Variants in TSPAN9 observed in about 807,000 individuals in gnomAD.
The protein encoded by TSPAN9 is tetraspanin-9.
In TSPAN9, 16 loss-of-function variants were observed where a neutral mutation model predicts 31.0. The ratio of observed to expected loss-of-function variants is 0.52; its 90% CI spans 0.35 to 0.78. TSPAN9 has a LOEUF of 0.78. TSPAN9 is among the 30% of genes least tolerant of loss of function. TSPAN9 has a pLI of 0.01. For synonymous variants in TSPAN9, 145 were observed against 121.6 expected (o/e 1.19, Z -1.27); for missense variants, 272 against 312.5 (o/e 0.87, Z 0.98).
At position 3,170,829 on chromosome 12, in the gene TSPAN9, G is replaced by GC. The variant is rs1293706726; in HGVS notation, c.-17-30347dup. ...CCACCATCACCTCGTTTTCTGCCGG[G>GC]CAGGGACTCCTGGGTTGGCGCTCTC... On this transcript the variant is annotated intron_variant, in intron 2 of 8. Coordinates refer to ENST00000011898, the MANE Select transcript of TSPAN9 (RefSeq NM_006675.5). The surrounding 1 kb of genome is among the most constrained non-coding windows in gnomAD (Gnocchi z 4.4). Among the ~76,000 whole-genome samples, 3 of 152,164 alleles carry GC rather than the reference G, an allele frequency of 2.0e-5. No individual in the cohort carries two copies. Among genetic ancestry groups the GC allele is most frequent in the Non-Finnish European group, 4.4e-5 (3 of 68,028 alleles).
intron 2 of TSPAN9, among the ~76,000 whole-genome samples, chr12:3,089,516 C>T (rs112743849): frequency 0.11 from 17,346 of 151,526 alleles, 3,127 homozygotes; most frequent in African/African-American, 0.39. Context: ...AGGGTGGTCT[C>T]GATCTCCTGA....
In TSPAN9 at chr12:3,279,079, A is replaced by C. The variant is rs765901688; in HGVS notation, c.330+13A>C. The C allele has an allele frequency of 1.2e-6, 2 of 1,612,644 alleles. No homozygotes were observed. The highest frequency in any genetic ancestry group is 3.3e-5 in the Admixed American group (2 of 60,020). On this transcript the variant is annotated intron_variant, in intron 5 of 8. Transcript: ENST00000011898. The stretch of plus-strand genomic sequence containing the variant: ...CTACATGGACAAGGTAAGCCTTACC[A>C]GATGGGAGGGGGCATATGGAATGTC...
intron 3 of TSPAN9, among the ~76,000 whole-genome samples, chr12:3,217,577 A>T (rs1469518695): frequency 6.6e-6 from 1 of 152,182 alleles, no homozygotes; most frequent in African/African-American, 2.4e-5. Context: ...GAGTCACCCC[A>T]GACCATATTA....
chr12:3,132,817 G>A (rs768523256), intron 2 of TSPAN9, among the ~76,000 whole-genome samples: 1 of 152,034 alleles, frequency 6.6e-6, no homozygotes, highest in Admixed American at 6.6e-5. Flanking sequence ...CTAGTGGACC[G>A]GTGGCTCTCA....
At chr12:3,271,538 T>G in intron 3 of TSPAN9, among the ~76,000 whole-genome samples, 1 of 104,556 alleles carries the variant, frequency 9.6e-6, no homozygotes, top group Admixed American at 9.7e-5. Flanking sequence ...TGATTAGAGG[T>G]ATGCAGAAAA....
intron 2 of TSPAN9, among the ~76,000 whole-genome samples, chr12:3,089,140 G>C (rs1368524319): frequency 1.3e-5 from 2 of 151,084 alleles, no homozygotes; most frequent in Admixed American, 6.6e-5. Flanking sequence ...GCTGAGGCAG[G>C]AGAATGGCAT....
At chr12:3,104,913 C>A (rs1290215011) in intron 2 of TSPAN9, among the ~76,000 whole-genome samples, 1 of 152,214 alleles carries the variant, frequency 6.6e-6, no homozygotes, top group Non-Finnish European at 1.5e-5. Context: ...TTTAGGACAA[C>A]AGTGGACAGG....
chr12:3,266,372 A>G lies in TSPAN9; in HGVS notation c.64-12049A>G, dbSNP rs1406867226. On this transcript the variant is annotated intron_variant, in intron 3 of 8. Transcript: ENST00000011898. ...TTGGGAGAATTAAATGAGGCTATAG[A>G]GGCAAAGCACTCAGACTAGCACTGG... Among the ~76,000 whole-genome samples the G allele has an allele frequency of 2.0e-5, 3 of 152,322 alleles. No individual in the cohort carries two copies. In the East Asian group the frequency reaches 5.8e-4, roughly 29 times the overall value.
intron 3 of TSPAN9, among the ~76,000 whole-genome samples, chr12:3,251,485 A>AAAAGTTCTTTTTTCAAAAG (rs1862243672): frequency 6.6e-6 from 1 of 152,130 alleles, no homozygotes; most frequent in African/African-American, 2.4e-5. Context: ...TTGATTTCTG[A>AAAAGTTCTTTTTTCAAAAG]TTATAAAACT....
intron 3 of TSPAN9, among the ~76,000 whole-genome samples, chr12:3,228,421 G>A (rs61907336): frequency 0.23 from 34,909 of 152,190 alleles, 4,190 homozygotes; most frequent in Non-Finnish European, 0.26. Flanking sequence ...CCCATTTCAC[G>A]CATGAGGATA....
At chr12:3,126,311 C>T (rs1027081425) in intron 2 of TSPAN9, among the ~76,000 whole-genome samples, 3 of 152,170 alleles carry the variant, frequency 2.0e-5, no homozygotes, top group African/African-American at 4.8e-5. Flanking sequence ...CATCAGAGTG[C>T]ACTTACACAA....
At chr12:3,267,449 C>T (rs1676964334) in intron 3 of TSPAN9, among the ~76,000 whole-genome samples, 1 of 152,216 alleles carries the variant, frequency 6.6e-6, no homozygotes, top group Non-Finnish European at 1.5e-5. Context: ...TCCTGCTCCC[C>T]TGGGCTCCAA....
At chr12:3,242,755 T>G (rs762860427) in intron 3 of TSPAN9, among the ~76,000 whole-genome samples, 13 of 152,230 alleles carry the variant, frequency 8.5e-5, no homozygotes, top group Non-Finnish European at 1.5e-4. Context: ...TGTGGAGCCT[T>G]GGACGCATTG....
At chr12:3,105,844 G>T (rs922318973) in intron 2 of TSPAN9, among the ~76,000 whole-genome samples, 4 of 121,482 alleles carry the variant, frequency 3.3e-5, no homozygotes, top group East Asian at 2.4e-4. Context: ...TCATACACAC[G>T]CTCACACACG....
intron 2 of TSPAN9, among the ~76,000 whole-genome samples, chr12:3,157,131 G>A (rs11836378): frequency 0.028 from 4,043 of 146,078 alleles, 195 homozygotes; most frequent in African/African-American, 0.098. Context: ...ACGGAGTCTC[G>A]CTCTGTCACC....
intron 2 of TSPAN9, among the ~76,000 whole-genome samples, chr12:3,175,922 C>T (rs1172008186): frequency 6.6e-6 from 1 of 152,210 alleles, no homozygotes; most frequent in African/African-American, 2.4e-5. Context: ...GCATATTAAA[C>T]AGACCCACAT....
In TSPAN9 at chr12:3,280,532, G is replaced by T; in HGVS notation, c.432+49G>T. 1 of 1,545,420 alleles carries T rather than the reference G, an allele frequency of 6.5e-7. No homozygotes were observed. Among genetic ancestry groups the T allele is most frequent in the Non-Finnish European group, 8.8e-7 (1 of 1,133,220 alleles). On this transcript the variant is annotated intron_variant, in intron 6 of 8. Coordinates refer to ENST00000011898, the MANE Select transcript of TSPAN9 (RefSeq NM_006675.5). This position sits in a 1 kb window ranked among gnomAD's most constrained non-coding sequence, Gnocchi z 4.5. ...GGGCCAGGCAGGGAGGAGGGGTGGC[G>T]GCCGGTACTTCTAGCTGCCTTCCCC... is the stretch of plus-strand genomic sequence containing the variant.
intron 2 of TSPAN9, among the ~76,000 whole-genome samples, chr12:3,117,575 C>T (rs1464943094): frequency 6.6e-6 from 1 of 152,182 alleles, no homozygotes; most frequent in Non-Finnish European, 1.5e-5. Flanking sequence ...ACCGTGGGCC[C>T]AGCTCTGCCC....
chr12:3,177,359 G>A (rs1312909925), intron 2 of TSPAN9, among the ~76,000 whole-genome samples: 1 of 151,524 alleles, frequency 6.6e-6, no homozygotes, highest in Non-Finnish European at 1.5e-5. Context: ...GGCTGGTCTC[G>A]ATCTCCTGAC....
Sources: gnomAD v4.1 joint callset for allele counts (sites outside exome capture counted in the v4.1 genomes callset) on GRCh38, gnomAD v4.1.1 for gene constraint, Gnocchi (gnomAD v3.1) non-coding constraint, MANE v1.5 for transcripts, NCBI Gene and HGNC (gene_info 2026-07-23, HGNC 2026-07-21) for gene names.